Variants in RHBDF1 observed in about 807,000 individuals in gnomAD.
RHBDF1 encodes the protein inactive rhomboid protein 1.
A neutral mutation model predicts 98.6 loss-of-function variants in RHBDF1; 80 were observed. The ratio of observed to expected loss-of-function variants is 0.81; its 90% CI spans 0.68 to 0.98. RHBDF1 has a LOEUF of 0.98. RHBDF1 is among the 50% of genes least tolerant of loss of function. The pLI, the probability that RHBDF1 is intolerant of heterozygous loss-of-function variation, is 0.00. For missense variants in RHBDF1, 1,116 were observed against 1,198.3 expected, an observed-to-expected ratio of 0.93 and a Z score of 1.01; for synonymous variants, 512 against 486.8, an observed-to-expected ratio of 1.05 and a Z score of -0.68.
rs1279635816 is a variant in RHBDF1, at chr16:63,673, G to C, written c.376C>G (p.Leu126Val). The change falls in exon 4 of 18, where the codon CTG becomes GTG. Residue 126 changes from leucine to valine, a missense_variant. Transcript: ENST00000262316. ...LKPQVLRELD[L>V]PSQDNVSLTS... ...AGCGACACGTTGTCCTGGCTGGGCAGGTCCAGCTCCCGGAGGACCTGGGGC... is the reference window on the plus strand; with the variant it reads ...AGCGACACGTTGTCCTGGCTGGGCACGTCCAGCTCCCGGAGGACCTGGGGC... 1.2e-6 allele frequency: 2 copies of C among 1,612,480 alleles called. No individual in the cohort carries two copies. The highest frequency in any genetic ancestry group is 1.7e-5 in the Admixed American group (1 of 59,968).
At chr16:73,487 A>G (rs1369479272), upstream of RHBDF1, among the ~76,000 whole-genome samples, 1 of 151,988 alleles carries the variant, frequency 6.6e-6, no homozygotes, top group Non-Finnish European at 1.5e-5. Context: ...GCTGGACTCA[A>G]AATGGCACTC....
At position 61,201 on chromosome 16, in the gene RHBDF1, C is replaced by A; in HGVS notation, c.1476G>T (p.Ala492=). The A allele has an allele frequency of 6.5e-7, 1 of 1,544,318 alleles. No individual in the cohort carries two copies. Among genetic ancestry groups the A allele is most frequent in the Non-Finnish European group, 8.7e-7 (1 of 1,145,574 alleles). The stretch of plus-strand genomic sequence containing the variant: ...AGGCGGAGTGCTTCTCGCGCTCGCG[C>A]GCCGAGCGAATGAAGCTGTGCACCT... ...DPQVHSFIRS[A]REREKHSACC... is the part of the protein sequence containing the mutation. The change falls in exon 11 of 18, where the codon GCG becomes GCT. Residue 492 remains alanine (A), a synonymous_variant. Coordinates refer to ENST00000262316, the MANE Select transcript of RHBDF1 (RefSeq NM_022450.5).
Position 62,599 on chromosome 16 carries a change from G to C in RHBDF1, c.892C>G (p.Gln298Glu). 6.2e-7 allele frequency: 1 copy of C among 1,613,788 alleles called. No individual in the cohort carries two copies. Among genetic ancestry groups the C allele is most frequent in the Non-Finnish European group, 8.5e-7 (1 of 1,180,038 alleles). The change falls in exon 7 of 18, where the codon CAG (glutamine) becomes GAG (glutamate). Residue 298 changes from glutamine (Q) to glutamate (E), a missense_variant. Transcript: ENST00000262316. ...AGGGCCCCGCCGGTGAGGTCCGCCT[G>C]CTCCGGTGCCTTCTCCCAGTCCTTT... Reference protein sequence around the residue: ...ALKDWEKAPEQADLTGGALDR... With the variant: ...ALKDWEKAPEEADLTGGALDR...
At position 64,990 on chromosome 16, in the gene RHBDF1, G is replaced by A. The variant is rs748058956; in HGVS notation, c.26C>T (p.Thr9Met). The A allele has an allele frequency of 3.0e-5, 46 of 1,544,080 alleles. No individual in the cohort carries two copies. The South Asian group carries it at 3.4e-4, about 11-fold the overall frequency. Residue 9 changes from threonine (T) to methionine (M), a missense_variant, in exon 2 of 18, where the codon ACG becomes ATG. Transcript: ENST00000262316. ...TGGCTTCTTGCGCTGCAGGCTGCTC[G>A]TGCTGTCCCTGCGGGCCTCACTCAT... MSEARRDS[T>M]SSLQRKKPPW... is the part of the protein sequence containing the mutation.
Position 72,535 on chromosome 16 carries a change from G to A in RHBDF1, c.-47C>T. 2.1e-6 allele frequency: 2 copies of A among 941,482 alleles called. No individual in the cohort carries two copies. The highest frequency in any genetic ancestry group is 5.4e-4 in the Middle Eastern group (1 of 1,856). 58.3% of individuals were successfully genotyped at this position (941,482 alleles called of 1,614,324 possible). A position where few individuals can be genotyped will look rare whatever the true frequency, so the allele number is the denominator to read the frequency against. ...CACTGCCGCCGCCGGGGGCTCTGGGGGGTCCTGAGGGCGCCGGGGAGGAGG... is the reference window on the plus strand; with the variant it reads ...CACTGCCGCCGCCGGGGGCTCTGGGAGGTCCTGAGGGCGCCGGGGAGGAGG... On this transcript the variant is annotated 5_prime_UTR_variant, in exon 1 of 18. Transcript: ENST00000262316.
chr16:70,014 G>T lies in RHBDF1; in HGVS notation c.-25+2499C>A, dbSNP rs1029955209. Among the ~76,000 whole-genome samples, 4 of 151,886 alleles carry T rather than the reference G, an allele frequency of 2.6e-5. 1 individual carries two copies. The highest frequency in any genetic ancestry group is 3.9e-4 in the East Asian group (2 of 5,172). On this transcript the variant is annotated intron_variant, in intron 1 of 17. Coordinates refer to ENST00000262316, the MANE Select transcript of RHBDF1 (RefSeq NM_022450.5). ...AAAGGGGCCAGCACTTGGCAGGAGG[G>T]GGGGGGGCACTGCCCCAAGGCTCAG...
At chr16:68,822 T>C (rs1377010622) in intron 1 of RHBDF1, among the ~76,000 whole-genome samples, 1 of 152,148 alleles carries the variant, frequency 6.6e-6, no homozygotes, top group African/African-American at 2.4e-5. Context: ...AGGTTTCTGC[T>C]CTGGGGATGT....
At position 61,778 on chromosome 16, in the gene RHBDF1, G is replaced by T. The variant is rs1191162617; in HGVS notation, c.1208+20C>A. The T allele has an allele frequency of 1.9e-6, 3 of 1,612,372 alleles. No homozygotes were observed. The highest frequency in any genetic ancestry group is 2.5e-6 in the Non-Finnish European group (3 of 1,179,516). ...CCCGGGAGCCTCCATCCCAACCCAG[G>T]CCTTGCCTGCCACGCCTACCTGTGG... is the stretch of plus-strand genomic sequence containing the variant. On this transcript the variant is annotated intron_variant, in intron 8 of 17. Coordinates refer to ENST00000262316, the MANE Select transcript of RHBDF1 (RefSeq NM_022450.5).
intron 1 of RHBDF1, among the ~76,000 whole-genome samples, chr16:71,171 G>A (rs547194621): frequency 9.2e-5 from 14 of 152,128 alleles, no homozygotes; most frequent in Non-Finnish European, 1.5e-4. Flanking sequence ...GGTGGGGACC[G>A]GCCAGCTCAT....
In RHBDF1 at chr16:58,343, G is replaced by C; in HGVS notation, c.2565C>G (p.His855Gln). 6.2e-7 allele frequency: 1 copy of C among 1,610,150 alleles called. No individual in the cohort carries two copies. Among genetic ancestry groups the C allele is most frequent in the Non-Finnish European group, 8.5e-7 (1 of 1,178,090 alleles). The change falls in exon 18 of 18, where the codon CAC (histidine) becomes CAG (glutamine). Residue 855 changes from histidine to glutamine, a missense_variant. His to Gln is a conservative substitution (Grantham distance 24). Transcript: ENST00000262316. ...CEKYELDAQL[H>Q] ...GCCGCTGGAGCCCGCAGCCAGCTCAGTGGAGCTGAGCGTCCAGTTCGTACT... is the reference window on the plus strand; with the variant it reads ...GCCGCTGGAGCCCGCAGCCAGCTCACTGGAGCTGAGCGTCCAGTTCGTACT...
chr16:74,495 G>T (rs572282335), upstream of RHBDF1, among the ~76,000 whole-genome samples: 2 of 152,110 alleles, frequency 1.3e-5, no homozygotes, highest in Non-Finnish European at 2.9e-5. Flanking sequence ...GAAACCCCCC[G>T]CACCCAGGAG....
chr16:74,850 A>AC (rs1898055014), upstream of RHBDF1: 1 of 147,442 alleles, frequency 6.8e-6, no homozygotes, highest in African/African-American at 2.5e-5. Context: ...CCACAGAACA[A>AC]CCCCCTTTGA....
At chr16:60,308 G>A (rs542262230) in intron 12 of RHBDF1, 29 bp from the exon 13 acceptor site, 97 of 1,613,522 alleles carry the variant, frequency 6.0e-5, no homozygotes, top group African/African-American at 2.3e-4. Context: ...TGGTCAGACC[G>A]GCTTCGAGCC....
chr16:64,953 CT>C lies in RHBDF1; in HGVS notation c.62del (p.Lys21SerfsTer10). On this transcript the variant is annotated frameshift_variant, in exon 2 of 18. Transcript: ENST00000262316. LOFTEE classifies it high-confidence loss of function. ...SLQRKKPPWL[K>X]LDIPSAVPLT... ...GGGGCACCGCAGAGGGAATGTCCAGCTTTAGCCAGGGTGGCTTCTTGCGCTG... is the reference window on the plus strand; with the variant it reads ...GGGGCACCGCAGAGGGAATGTCCAGCTTAGCCAGGGTGGCTTCTTGCGCTG... 1 of 1,578,082 alleles carries C rather than the reference CT, an allele frequency of 6.3e-7. No individual in the cohort carries two copies. The highest frequency in any genetic ancestry group is 8.6e-7 in the Non-Finnish European group (1 of 1,158,450).
intron 1 of RHBDF1, among the ~76,000 whole-genome samples, chr16:65,671 C>A (rs1268743705): frequency 6.6e-6 from 1 of 152,202 alleles, no homozygotes; most frequent in Non-Finnish European, 1.5e-5. Context: ...GACTTCCACT[C>A]CAGGGACAAA....
At chr16:63,456 A>G in intron 4 of RHBDF1, 131 bp downstream of exon 4, 1 of 802,282 alleles carries the variant, frequency 1.2e-6, no homozygotes, top group Non-Finnish European at 2.0e-6. Flanking sequence ...CTTCACGAGC[A>G]GGCTGTCTGA....
intron 3 of RHBDF1, chr16:64,037 T>C (rs905221131): frequency 4.4e-6 from 3 of 681,606 alleles, no homozygotes; most frequent in East Asian, 2.8e-5. Context: ...GAGTGCTTCA[T>C]AGAGGCCCTC....
At position 65,140 on chromosome 16, in the gene RHBDF1, G is replaced by A. The variant is rs1054725495; in HGVS notation, c.-24-101C>T. On this transcript the variant is annotated intron_variant, in intron 1 of 17. Coordinates refer to ENST00000262316, the MANE Select transcript of RHBDF1 (RefSeq NM_022450.5). ...GGGAGAAGCAGTGATGAGCCCAACCGTGGTGCTCATGTCCCCCACTGTCAG... is the reference window on the plus strand; with the variant it reads ...GGGAGAAGCAGTGATGAGCCCAACCATGGTGCTCATGTCCCCCACTGTCAG... The A allele has an allele frequency of 3.1e-5, 39 of 1,269,560 alleles. No individual in the cohort carries two copies. The East Asian group carries it at 3.8e-4, about 12-fold the overall frequency. The allele number at this position is 1,269,560 out of a possible 1,614,324, so 78.6% of individuals were successfully genotyped here.
At chr16:60,921 A>G in intron 11 of RHBDF1, 199 bp downstream of exon 11, 4 of 614,638 alleles carry the variant, frequency 6.5e-6, no homozygotes, top group Non-Finnish European at 1.1e-5. Flanking sequence ...AGACCAAATC[A>G]GATGATGGTC....
Sources: gnomAD v4.1 joint callset for allele counts (sites outside exome capture counted in the v4.1 genomes callset) on GRCh38, gnomAD v4.1.1 for gene constraint, MANE v1.5 for transcripts, NCBI Gene and HGNC (gene_info 2026-07-23, HGNC 2026-07-21) for gene names.